Variants in VWA2 observed in about 807,000 individuals in gnomAD.
VWA2 encodes the protein von Willebrand factor A domain-containing protein 2.
Under a neutral mutation model 70.4 loss-of-function variants are expected in VWA2, and 73 were observed. The ratio of observed to expected loss-of-function variants is 1.04; its 90% CI spans 0.86 to 1.26. The LOEUF (loss-of-function observed/expected upper bound fraction) is 1.26. Among genes scored for constraint, VWA2 ranks in the 50% most tolerant of loss-of-function variants. The pLI, the probability that VWA2 is intolerant of heterozygous loss-of-function variation, is 0.00. For missense variants in VWA2, 1,011 were observed against 998.5 expected, an observed-to-expected ratio of 1.01 and a Z score of -0.17; for synonymous variants, 407 against 423.3, an observed-to-expected ratio of 0.96 and a Z score of 0.47.
intron 3 of VWA2, 37 bp from the exon 4 acceptor site, chr10:114,254,878 G>GC (rs1444371759): frequency 3.1e-6 from 5 of 1,601,006 alleles, no homozygotes; most frequent in Non-Finnish European, 4.3e-6. Context: ...AGACCGACTT[G>GC]CTCCTGGTTG....
At chr10:114,257,628 C>A (rs1221273089) in intron 4 of VWA2, among the ~76,000 whole-genome samples, 1 of 152,182 alleles carries the variant, frequency 6.6e-6, no homozygotes, top group African/African-American at 2.4e-5. Context: ...TTTGTCTTGA[C>A]CCTCAGAATT....
Position 114,284,935 on chromosome 10 carries a change from T to A in VWA2, c.962T>A (p.Leu321His). Residue 321 changes from leucine to histidine, a missense_variant, in exon 10 of 14, where the codon CTC becomes CAC. Coordinates refer to ENST00000392982, the MANE Select transcript of VWA2 (RefSeq NM_001272046.2). ...VPEGLDGYQCLCPLAFGGEAN... is the reference protein window; with the variant it reads ...VPEGLDGYQCHCPLAFGGEAN... Reference sequence around the variant, plus strand: ...GAAGGACTGGACGGCTACCAGTGCCTCTGCCCGCTGGCCTTTGGAGGGGAG... The same window carrying A: ...GAAGGACTGGACGGCTACCAGTGCCACTGCCCGCTGGCCTTTGGAGGGGAG... 1 of 1,605,476 alleles carries A rather than the reference T, an allele frequency of 6.2e-7. No individual in the cohort carries two copies. The highest frequency in any genetic ancestry group is 8.5e-7 in the Non-Finnish European group (1 of 1,176,906).
chr10:114,286,924 A>G (rs2038970894), intron 11 of VWA2, among the ~76,000 whole-genome samples: 1 of 152,204 alleles, frequency 6.6e-6, no homozygotes, highest in South Asian at 2.1e-4. Flanking sequence ...TGGTGCACAC[A>G]TGCACATGTA....
chr10:114,259,597 C>G (rs1467148200), intron 4 of VWA2, among the ~76,000 whole-genome samples: 3 of 151,800 alleles, frequency 2.0e-5, no homozygotes, highest in Non-Finnish European at 4.4e-5. Flanking sequence ...TTTTCTAGAA[C>G]TTTCATATTT....
chr10:114,262,384 A>G (rs1224623238), intron 5 of VWA2, among the ~76,000 whole-genome samples: 3 of 151,894 alleles, frequency 2.0e-5, no homozygotes, highest in Admixed American at 1.3e-4. Context: ...ATTGACACAT[A>G]CATGTATATA....
At chr10:114,240,746 G>A (rs2036960838) in intron 1 of VWA2, among the ~76,000 whole-genome samples, 1 of 152,188 alleles carries the variant, frequency 6.6e-6, no homozygotes, top group African/African-American at 2.4e-5. Flanking sequence ...GCAGGCTGAA[G>A]CCATCCTCTC....
At chr10:114,246,505 C>CAATAAAAAAAAAAAAAAA in intron 1 of VWA2, 1 of 382,566 alleles carries the variant, frequency 2.6e-6, no homozygotes, top group Non-Finnish European at 4.3e-6. Flanking sequence ...AACTCCATCT[C>CAATAAAAAAAAAAAAAAA]AAAAAAAAAA....
At chr10:114,285,056 G>T in intron 10 of VWA2, 86 bp downstream of exon 10, 2 of 1,135,124 alleles carry the variant, frequency 1.8e-6, no homozygotes, top group Non-Finnish European at 2.4e-6. Context: ...CCTTCCAGCT[G>T]CTGGGTAGAA....
intron 5 of VWA2, among the ~76,000 whole-genome samples, chr10:114,269,103 G>A (rs1327345083): frequency 6.6e-6 from 1 of 152,232 alleles, no homozygotes; most frequent in African/African-American, 2.4e-5. Context: ...TTTTCTTGTG[G>A]TAACCCTTAA....
At chr10:114,257,790 G>A (rs1170908231) in intron 4 of VWA2, among the ~76,000 whole-genome samples, 1 of 152,194 alleles carries the variant, frequency 6.6e-6, no homozygotes, top group Non-Finnish European at 1.5e-5. Flanking sequence ...CCTGAGCATT[G>A]CTGGACCACA....
chr10:114,248,845 C>T, intron 2 of VWA2, 80 bp downstream of exon 2: 1 of 1,352,632 alleles, frequency 7.4e-7, no homozygotes, highest in South Asian at 1.2e-5. Flanking sequence ...TGTTGATTTT[C>T]AATTCTAAAG....
rs1350820636 is a variant in VWA2, at chr10:114,248,735, G to C, written c.22G>C (p.Glu8Gln). The change falls in exon 2 of 14, where the codon GAA (glutamate) becomes CAA (glutamine). Residue 8 changes from glutamate to glutamine, a missense_variant. Coordinates refer to ENST00000392982, the MANE Select transcript of VWA2 (RefSeq NM_001272046.2). ...CAACATGCCCCCTTTCCTGTTGCTG[G>C]AAGCCGTCTGTGTTTTCCTGTTTTC... MPPFLLL[E>Q]AVCVFLFSRV... is the part of the protein sequence containing the mutation. The C allele has an allele frequency of 1.2e-6, 2 of 1,613,624 alleles. No individual in the cohort carries two copies. The highest frequency in any genetic ancestry group is 1.7e-6 in the Non-Finnish European group (2 of 1,179,716).
chr10:114,278,238 C>T (rs1008193114), intron 7 of VWA2, among the ~76,000 whole-genome samples, 191 bp downstream of exon 7: 1 of 152,134 alleles, frequency 6.6e-6, no homozygotes, highest in African/African-American at 2.4e-5. Flanking sequence ...AGCTGGGAGC[C>T]CCGAGCTTGT....
chr10:114,269,247 C>T (rs1264349105), intron 5 of VWA2, among the ~76,000 whole-genome samples: 1 of 152,206 alleles, frequency 6.6e-6, no homozygotes, highest in Admixed American at 6.5e-5. Flanking sequence ...TCTGTAACCA[C>T]AGGCTGATGG....
intron 10 of VWA2, 135 bp from the exon 11 acceptor site, chr10:114,285,804 G>T: frequency 2.1e-6 from 2 of 934,892 alleles, no homozygotes; most frequent in South Asian, 1.8e-5. Flanking sequence ...TGACGAGCAC[G>T]GGTCACTTAA....
Position 114,291,393 on chromosome 10 carries a change from C to T in VWA2, c.*156C>T. The T allele has an allele frequency of 1.2e-6, 1 of 836,654 alleles. No homozygotes were observed. Among genetic ancestry groups the T allele is most frequent in the Non-Finnish European group, 1.8e-6 (1 of 560,690 alleles). 51.8% of individuals were successfully genotyped at this position (836,654 alleles called of 1,614,324 possible). A position where few individuals can be genotyped will look rare whatever the true frequency, so the allele number is the denominator to read the frequency against. ...GCCGTGGCCAGGACCACTATTCTCACTGAGGGAGGAGGATGTCCCAACTGC... is the reference window on the plus strand; with the variant it reads ...GCCGTGGCCAGGACCACTATTCTCATTGAGGGAGGAGGATGTCCCAACTGC... On this transcript the variant is annotated 3_prime_UTR_variant, in exon 14 of 14. Transcript: ENST00000392982.
chr10:114,261,692 T>C (rs1478691800), intron 5 of VWA2, among the ~76,000 whole-genome samples: 1 of 152,158 alleles, frequency 6.6e-6, no homozygotes, highest in Non-Finnish European at 1.5e-5. Context: ...ATTTTTGTGG[T>C]CTAAAAAGAG....
At chr10:114,286,662 T>A in intron 11 of VWA2, 151 bp downstream of exon 11, 1 of 686,326 alleles carries the variant, frequency 1.5e-6, no homozygotes, top group Admixed American at 3.2e-5. Flanking sequence ...CATAAATAAT[T>A]TTCAGTTTAC....
chr10:114,280,312 A>G (rs188916751), intron 8 of VWA2, among the ~76,000 whole-genome samples: 3 of 151,998 alleles, frequency 2.0e-5, no homozygotes, highest in Non-Finnish European at 4.4e-5. Context: ...AAACACATCT[A>G]CCCTCACAAG....
Sources: allele counts gnomAD v4.1 joint callset (sites outside exome capture counted in the v4.1 genomes callset), GRCh38; gene constraint gnomAD v4.1.1; transcripts MANE v1.5; gene names NCBI Gene and HGNC (gene_info 2026-07-23, HGNC 2026-07-21).